Variants in HDC observed in about 807,000 individuals in gnomAD.
HDC encodes histidine decarboxylase.
In HDC, 27 loss-of-function variants were observed where a neutral mutation model predicts 64.4. The observed-to-expected ratio is 0.42, with a 90% CI of 0.31 to 0.58. The LOEUF is 0.58. HDC is among the 20% of genes least tolerant of loss of function. The pLI is 0.16. For synonymous variants in HDC, 305 were observed against 314.2 expected (o/e 0.97, Z 0.31); for missense variants, 711 against 833.9 (o/e 0.85, Z 1.81).
In HDC at chr15:50,263,299, G is replaced by A. The variant is rs753520294; in HGVS notation, c.140C>T (p.Ala47Val). 1 of 1,614,182 alleles carries A rather than the reference G, an allele frequency of 6.2e-7. No homozygotes were observed. Among genetic ancestry groups the A allele is most frequent in the Admixed American group, 1.7e-5 (1 of 60,026 alleles). The change falls in exon 2 of 12, where the codon GCT becomes GTT. Residue 47 changes from alanine (A) to valine (V), a missense_variant. By Grantham distance (64) the Ala-to-Val change is moderately conservative. Around this residue, in one of 3 missense-constraint regions of HDC, gnomAD observed 225 missense variants for 276.2 expected, o/e 0.81. Transcript: ENST00000267845. ...GTCCCAGCTGTCGGGGTCCTCAGGA[G>A]CACTCTCAGGCAGCTGGGCTCGCAG... is the stretch of plus-strand genomic sequence containing the variant. Reference protein sequence around the residue: ...GYLRAQLPESAPEDPDSWDSI... With the variant: ...GYLRAQLPESVPEDPDSWDSI...
At position 50,242,732 on chromosome 15, in the gene HDC, A is replaced by C. The variant is rs2045416162; in HGVS notation, c.1517T>G (p.Leu506Arg). ...ATCTCCTGCCCCACTGACAGACTGA[A>C]GGGACGTTCCACAGGCCCAGGCTCT... is the stretch of plus-strand genomic sequence containing the variant. ...GARAWACGTS[L>R]QSVSGAGDDP... is the part of the protein sequence containing the mutation. The change falls in exon 12 of 12, where the codon CTT becomes CGT. Residue 506 changes from leucine to arginine, a missense_variant. Leu to Arg is a moderately radical substitution (Grantham distance 102). Around this residue, in one of 3 missense-constraint regions of HDC, gnomAD observed 483 missense variants for 540.9 expected, o/e 0.89. Transcript: ENST00000267845. 6 of 1,614,052 alleles carry C rather than the reference A, an allele frequency of 3.7e-6. No homozygotes were observed. The highest frequency in any genetic ancestry group is 5.1e-6 in the Non-Finnish European group (6 of 1,180,018).
At chr15:50,251,301 A>G (rs1162027171) in intron 9 of HDC, among the ~76,000 whole-genome samples, 1 of 152,266 alleles carries the variant, frequency 6.6e-6, no homozygotes, top group East Asian at 1.9e-4. Context: ...AAGAGCTTTC[A>G]GAAATACTAT....
chr15:50,257,322 T>C, intron 4 of HDC, 103 bp downstream of exon 4: 5 of 1,432,488 alleles, frequency 3.5e-6, no homozygotes, highest in Non-Finnish European at 4.9e-6. Flanking sequence ...GTGGGTAATG[T>C]GGGGGAAACT....
Position 50,248,230 on chromosome 15 carries a change from C to T in HDC, c.1140+15G>A. The T allele has an allele frequency of 1.3e-6, 2 of 1,560,730 alleles. No individual in the cohort carries two copies. Among genetic ancestry groups the T allele is most frequent in the Non-Finnish European group, 1.8e-6 (2 of 1,131,378 alleles). ...AGGAACACAGGCTCAGCCCCCACAGCAGCATGCTACATACATGTCTGACAT... is the reference window on the plus strand; with the variant it reads ...AGGAACACAGGCTCAGCCCCCACAGTAGCATGCTACATACATGTCTGACAT... On this transcript the variant is annotated intron_variant, in intron 10 of 11. Coordinates refer to ENST00000267845, the MANE Select transcript of HDC (RefSeq NM_002112.4). This position sits in a 1 kb window ranked among gnomAD's most constrained non-coding sequence, Gnocchi z 4.3.
intron 9 of HDC, among the ~76,000 whole-genome samples, chr15:50,249,325 A>C (rs1433084724): frequency 6.6e-6 from 1 of 152,244 alleles, no homozygotes. Flanking sequence ...TTTCCTAATG[A>C]CATCTCCCTC....
intron 10 of HDC, among the ~76,000 whole-genome samples, chr15:50,245,395 G>GGATGAT (rs575390454): frequency 2.0e-5 from 3 of 151,952 alleles, no homozygotes; most frequent in Non-Finnish European, 2.9e-5. Flanking sequence ...TAGGAGATGA[G>GGATGAT]GATGATGATG....
intron 9 of HDC, 106 bp downstream of exon 9, chr15:50,252,324 G>A (rs1231475585): frequency 3.6e-6 from 3 of 822,110 alleles, no homozygotes; most frequent in African/African-American, 1.7e-5. Context: ...AGCTCATAGT[G>A]TGCTGCCTTC....
At chr15:50,258,354 A>T in intron 3 of HDC, 50 bp downstream of exon 3, 1 of 1,009,030 alleles carries the variant, frequency 9.9e-7, no homozygotes, top group Non-Finnish European at 1.6e-6. Context: ...CTAGGATACC[A>T]CTCCCTGCTA....
intron 6 of HDC, chr15:50,253,924 T>A (rs1813085345): frequency 1.5e-6 from 1 of 659,754 alleles, no homozygotes; most frequent in Non-Finnish European, 2.6e-6. Context: ...TAATATTTTA[T>A]ACTATATTTC....
At position 50,265,670 on chromosome 15, in the gene HDC, G is replaced by A; in HGVS notation, c.-47C>T. On this transcript the variant is annotated 5_prime_UTR_variant, in exon 1 of 12. Transcript: ENST00000267845. ...TCTCACAGATGGACACGCAGGAGGT[G>A]GAAGGCGTGAAAGGCGTGGAGCAGC... 6.2e-7 allele frequency: 1 copy of A among 1,602,416 alleles called. No individual in the cohort carries two copies. Among genetic ancestry groups the A allele is most frequent in the Non-Finnish European group, 8.6e-7 (1 of 1,169,574 alleles).
chr15:50,259,130 C>T (rs2045670813), intron 2 of HDC, among the ~76,000 whole-genome samples: 1 of 151,874 alleles, frequency 6.6e-6, no homozygotes, highest in Non-Finnish European at 1.5e-5. Flanking sequence ...CCACTGCACT[C>T]CAGCCTGGGC....
intron 9 of HDC, among the ~76,000 whole-genome samples, chr15:50,250,697 T>C (rs924683135): frequency 1.3e-5 from 2 of 152,230 alleles, no homozygotes; most frequent in African/African-American, 4.8e-5. Flanking sequence ...CCTACAGTTA[T>C]CCCTAAAGAT....
At chr15:50,257,667 A>G in intron 3 of HDC, 120 bp from the exon 4 acceptor site, 1 of 1,129,366 alleles carries the variant, frequency 8.9e-7, no homozygotes, top group South Asian at 1.2e-5. Context: ...AGAAGGGGTC[A>G]TGTTAGGCCA....
At position 50,245,414 on chromosome 15, in the gene HDC, G is replaced by A. The variant is rs78301091; in HGVS notation, c.1141-2170C>T. Among the ~76,000 whole-genome samples, 474 of 152,220 alleles carry A rather than the reference G, an allele frequency of 3.1e-3. 5 individuals are homozygous for A. The highest frequency in any genetic ancestry group is 0.011 in the African/African-American group (442 of 41,530). On this transcript the variant is annotated intron_variant, in intron 10 of 11. Transcript: ENST00000267845. ...AGATGAGGATGATGATGATGATGAT[G>A]GTGATGATGATGACAATTTATTATA...
intron 1 of HDC, 109 bp downstream of exon 1, chr15:50,265,484 A>G: frequency 1.0e-6 from 1 of 981,332 alleles, no homozygotes; most frequent in Non-Finnish European, 1.6e-6. Context: ...TCAGAAGGCA[A>G]TTCTAATGCT....
intron 10 of HDC, among the ~76,000 whole-genome samples, chr15:50,246,355 A>AAG (rs1478722695): frequency 6.6e-6 from 1 of 152,240 alleles, no homozygotes; most frequent in Non-Finnish European, 1.5e-5. Flanking sequence ...GGGACATTGG[A>AAG]AGAACTTTGA....
rs778796760 is a variant in HDC, at chr15:50,253,672, G to C, written c.721-6C>G. 6.2e-7 allele frequency: 1 copy of C among 1,612,380 alleles called. No individual in the cohort carries two copies. Among genetic ancestry groups the C allele is most frequent in the East Asian group, 2.2e-5 (1 of 44,878 alleles). ...GTCCCTAGTGTTGCACAGACCTAGG[G>C]GAAAATTAAGGCAAGTTAACACAGG... On this transcript the variant is annotated splice_region_variant and splice_polypyrimidine_tract_variant and intron_variant, in intron 6 of 11. Transcript: ENST00000267845.
intron 9 of HDC, among the ~76,000 whole-genome samples, chr15:50,250,702 A>G (rs1169929863): frequency 1.3e-5 from 2 of 152,232 alleles, no homozygotes. Flanking sequence ...AGTTATCCCT[A>G]AAGATATCTG....
Position 50,265,630 on chromosome 15 carries a change from T to C in HDC, c.-7A>G, listed in dbSNP as rs1162627895. On this transcript the variant is annotated 5_prime_UTR_variant, in exon 1 of 12. Transcript: ENST00000267845. Reference sequence around the variant, plus strand: ...ACTCCTCAGGCTCCATCATCTCCCTTGGGCTCTGGCTCCTTCTCACAGATG... The same window carrying C: ...ACTCCTCAGGCTCCATCATCTCCCTCGGGCTCTGGCTCCTTCTCACAGATG... 6.2e-7 allele frequency: 1 copy of C among 1,613,846 alleles called. No individual in the cohort carries two copies. Among genetic ancestry groups the C allele is most frequent in the South Asian group, 1.1e-5 (1 of 91,068 alleles).
Sources: allele counts gnomAD v4.1 joint callset (sites outside exome capture counted in the v4.1 genomes callset), GRCh38; gene constraint gnomAD v4.1.1; regional missense constraint gnomAD v4.1.1; non-coding constraint Gnocchi (gnomAD v3.1); transcripts MANE v1.5; gene names NCBI Gene and HGNC (gene_info 2026-07-23, HGNC 2026-07-21).